The following SLC9A9 variants were observed in gnomAD, a reference collection of about 807,000 sequenced individuals.
SLC9A9 encodes solute carrier family 9 member A9.
A neutral mutation model predicts 77.8 loss-of-function variants in SLC9A9; 62 were observed. The ratio of observed to expected loss-of-function variants is 0.80; its 90% CI spans 0.65 to 0.98. The LOEUF (loss-of-function observed/expected upper bound fraction) is 0.98, where lower values mean the gene tolerates loss of function less well. Among genes scored for constraint, SLC9A9 ranks in the 50% least tolerant of loss-of-function variants. The pLI, the probability that SLC9A9 is intolerant of heterozygous loss-of-function variation, is 0.00. For missense variants in SLC9A9, 775 were observed against 774.9 expected (o/e 1.00, Z 0.00); for synonymous variants, 320 against 283.5 (o/e 1.13, Z -1.29).
intron 14 of SLC9A9, among the ~76,000 whole-genome samples, chr3:143,299,736 T>A (rs1367526625): frequency 6.6e-6 from 1 of 152,138 alleles, no homozygotes; most frequent in Non-Finnish European, 1.5e-5. Flanking sequence ...AGCCACCACG[T>A]CCTGCCACAC....
At chr3:143,486,377 C>A (rs2035652868) in intron 11 of SLC9A9, among the ~76,000 whole-genome samples, 1 of 152,010 alleles carries the variant, frequency 6.6e-6, no homozygotes, top group Admixed American at 6.5e-5. Context: ...ACAGAGAACT[C>A]AGTAAAGGTA....
intron 14 of SLC9A9, among the ~76,000 whole-genome samples, chr3:143,291,638 G>A (rs983167144): frequency 3.9e-5 from 6 of 152,214 alleles, no homozygotes; most frequent in African/African-American, 1.4e-4. Context: ...CCTAGTAATG[G>A]AGGGGAAAAA....
intron 12 of SLC9A9, among the ~76,000 whole-genome samples, chr3:143,463,790 A>C (rs1282925744): frequency 6.6e-6 from 1 of 152,204 alleles, no homozygotes; most frequent in Non-Finnish European, 1.5e-5. Flanking sequence ...CAGGACAAGA[A>C]ATTTGAATGG....
At chr3:143,280,559 T>G (rs1168848099) in intron 14 of SLC9A9, among the ~76,000 whole-genome samples, 1 of 150,630 alleles carries the variant, frequency 6.6e-6, no homozygotes. Flanking sequence ...TTTTTTTTTT[T>G]TTTTTTGAGG....
chr3:143,420,879 A>G (rs1480896272), intron 12 of SLC9A9, among the ~76,000 whole-genome samples: 2 of 152,066 alleles, frequency 1.3e-5, no homozygotes, highest in Non-Finnish European at 2.9e-5. Context: ...ATATCAGCAA[A>G]GAAAATCCTC....
At chr3:143,615,733 A>G (rs1031710042) in intron 6 of SLC9A9, among the ~76,000 whole-genome samples, 2 of 152,156 alleles carry the variant, frequency 1.3e-5, no homozygotes, top group African/African-American at 4.8e-5. Context: ...CTGACTTTCA[A>G]AACAACTGCA....
At chr3:143,806,916 G>A (rs1181348471) in intron 2 of SLC9A9, among the ~76,000 whole-genome samples, 1 of 152,214 alleles carries the variant, frequency 6.6e-6, no homozygotes, top group Non-Finnish European at 1.5e-5. Flanking sequence ...AATGCTTGAG[G>A]AGATGGATAC....
At chr3:143,647,292 A>T (rs906718631) in intron 6 of SLC9A9, among the ~76,000 whole-genome samples, 1 of 152,218 alleles carries the variant, frequency 6.6e-6, no homozygotes, top group African/African-American at 2.4e-5. Flanking sequence ...TACAAAGACT[A>T]TTAACTGATC....
intron 14 of SLC9A9, among the ~76,000 whole-genome samples, chr3:143,311,614 C>T (rs143811720): frequency 2.2e-4 from 34 of 152,256 alleles, no homozygotes; most frequent in Admixed American, 5.2e-4. Context: ...GGACCAGGTA[C>T]AGTTGTATTA....
chr3:143,550,395 C>A (rs1389164403), intron 9 of SLC9A9, among the ~76,000 whole-genome samples: 1 of 152,152 alleles, frequency 6.6e-6, no homozygotes, highest in Admixed American at 6.5e-5. Flanking sequence ...ACATTCTTTG[C>A]CATATAACTT....
chr3:143,393,628 T>C (rs1191983234), intron 12 of SLC9A9, among the ~76,000 whole-genome samples: 5 of 151,344 alleles, frequency 3.3e-5, no homozygotes, highest in Admixed American at 6.6e-5. Flanking sequence ...AATAGAGACA[T>C]AAAAAACCCT....
At chr3:143,803,469 T>G (rs1328271423) in intron 2 of SLC9A9, among the ~76,000 whole-genome samples, 1 of 152,216 alleles carries the variant, frequency 6.6e-6, no homozygotes, top group East Asian at 1.9e-4. Context: ...TACTCTTGTT[T>G]ACACTGCCGG....
intron 5 of SLC9A9, among the ~76,000 whole-genome samples, chr3:143,689,522 C>T (rs1200234237): frequency 1.3e-5 from 2 of 151,960 alleles, no homozygotes; most frequent in Non-Finnish European, 2.9e-5. Flanking sequence ...CCTCAGCCTC[C>T]CAAGTAGCTA....
intron 14 of SLC9A9, among the ~76,000 whole-genome samples, chr3:143,355,403 A>C (rs1159920769): frequency 6.6e-6 from 1 of 152,230 alleles, no homozygotes; most frequent in African/African-American, 2.4e-5. Context: ...GTGTTAATTC[A>C]TTTAATTATC....
At chr3:143,329,052 G>A (rs1181429477) in intron 14 of SLC9A9, among the ~76,000 whole-genome samples, 1 of 152,234 alleles carries the variant, frequency 6.6e-6, no homozygotes, top group East Asian at 1.9e-4. Context: ...GGGTATCAAA[G>A]TCAAACGACC....
intron 4 of SLC9A9, among the ~76,000 whole-genome samples, chr3:143,752,071 C>A (rs1361444269): frequency 6.6e-6 from 1 of 152,322 alleles, no homozygotes; most frequent in African/African-American, 2.4e-5. Context: ...TTCAGAGTTA[C>A]TTCAAAGTAG....
chr3:143,445,858 A>G (rs1024817397), intron 12 of SLC9A9, among the ~76,000 whole-genome samples: 1 of 152,192 alleles, frequency 6.6e-6, no homozygotes, highest in African/African-American at 2.4e-5. Context: ...ATTGTCCAAT[A>G]AAATGCAAAG....
chr3:143,582,665 T>G (rs2037475972), intron 6 of SLC9A9, among the ~76,000 whole-genome samples: 1 of 152,318 alleles, frequency 6.6e-6, no homozygotes. Flanking sequence ...AATGTTCTCA[T>G]GTATTTCATG....
chr3:143,717,789 T>C (rs1338866096), intron 4 of SLC9A9, among the ~76,000 whole-genome samples: 1 of 152,194 alleles, frequency 6.6e-6, no homozygotes, highest in African/African-American at 2.4e-5. Flanking sequence ...TAGTAGTCAA[T>C]GCAATTCTTC....
Sources: allele counts gnomAD v4.1 joint callset (sites outside exome capture counted in the v4.1 genomes callset), GRCh38; gene constraint gnomAD v4.1.1; transcripts MANE v1.5; gene names NCBI Gene and HGNC (gene_info 2026-07-23, HGNC 2026-07-21).